The following PTPRG variants were observed in gnomAD, a reference collection of about 807,000 sequenced individuals.
PTPRG encodes protein tyrosine phosphatase receptor type G, also known as receptor-type tyrosine-protein phosphatase gamma.
A neutral mutation model predicts 165.3 loss-of-function variants in PTPRG; 102 were observed. The ratio of observed to expected loss-of-function variants is 0.62; its 90% CI spans 0.53 to 0.73. PTPRG has a LOEUF of 0.73. Ranked by LOEUF, PTPRG falls within the 30% of genes least tolerant of loss-of-function variation. The pLI, the probability that PTPRG is intolerant of heterozygous loss-of-function variation, is 0.00. For synonymous variants in PTPRG, 675 were observed against 669.5 expected (o/e 1.01, Z -0.13); for missense variants, 1,866 against 1,861.4 (o/e 1.00, Z -0.05).
At chr3:61,688,925 A>G (rs1406086057) in intron 1 of PTPRG, among the ~76,000 whole-genome samples, 1 of 152,162 alleles carries the variant, frequency 6.6e-6, no homozygotes, top group East Asian at 1.9e-4. Flanking sequence ...GCATCAGGGA[A>G]AATATCCTAA....
chr3:61,619,770 T>C (rs1305625129), intron 1 of PTPRG, among the ~76,000 whole-genome samples: 1 of 152,208 alleles, frequency 6.6e-6, no homozygotes. Flanking sequence ...TAACTGGTAT[T>C]GTGGACAGAG....
intron 2 of PTPRG, among the ~76,000 whole-genome samples, chr3:61,792,004 A>T (rs1482233276): frequency 1.3e-5 from 2 of 152,106 alleles, no homozygotes; most frequent in Admixed American, 1.3e-4. Flanking sequence ...CTTCCTGTAG[A>T]ATCTTTAGTT....
At chr3:61,860,896 C>T (rs78459033) in intron 2 of PTPRG, among the ~76,000 whole-genome samples, 3 of 151,488 alleles carry the variant, frequency 2.0e-5, no homozygotes, top group African/African-American at 7.3e-5. Flanking sequence ...GTATCCGTCA[C>T]CACAGTCAAG....
rs150169889 is a variant in PTPRG, at chr3:61,879,071, C to G, written c.191-110554C>G. On this transcript the variant is annotated intron_variant, in intron 2 of 29. Transcript: ENST00000474889. ...AGAACCAATATAAATTTACTAGGAA[C>G]AAATCCTGTGACATTAACCCCATTT... Among the ~76,000 whole-genome samples the G allele has an allele frequency of 4.8e-4, 73 of 152,244 alleles. 1 individual carries two copies. In the East Asian group the frequency reaches 6.8e-3, roughly 14 times the overall value.
At chr3:61,824,046 C>G (rs932305391) in intron 2 of PTPRG, among the ~76,000 whole-genome samples, 1 of 152,102 alleles carries the variant, frequency 6.6e-6, no homozygotes, top group Non-Finnish European at 1.5e-5. Flanking sequence ...ATGGCATGAA[C>G]CTGGGACGCG....
chr3:61,570,646 T>G (rs1700034192), intron 1 of PTPRG, among the ~76,000 whole-genome samples: 1 of 152,222 alleles, frequency 6.6e-6, no homozygotes, highest in Admixed American at 6.5e-5. Context: ...ATCTGTTCAT[T>G]AATTGGGAAT....
intron 2 of PTPRG, among the ~76,000 whole-genome samples, chr3:61,975,812 A>G (rs554585808): frequency 6.6e-6 from 1 of 152,296 alleles, no homozygotes; most frequent in African/African-American, 2.4e-5. Flanking sequence ...AAAGATTTTC[A>G]TCAAACATTT....
intron 2 of PTPRG, among the ~76,000 whole-genome samples, chr3:61,940,472 G>A (rs2039592845): frequency 6.6e-6 from 1 of 152,186 alleles, no homozygotes; most frequent in African/African-American, 2.4e-5. Context: ...GAAGTGCCAA[G>A]ATTTTTTTTC....
intron 2 of PTPRG, among the ~76,000 whole-genome samples, chr3:61,924,255 C>T (rs1287156984): frequency 6.6e-6 from 1 of 152,170 alleles, no homozygotes; most frequent in African/African-American, 2.4e-5. Flanking sequence ...AGATCCTGAC[C>T]TGCACTTGCA....
In PTPRG at chr3:62,075,699, A is replaced by G. The variant is rs1394403779; in HGVS notation, c.520-2464A>G. Reference sequence around the variant, plus strand: ...TCTTAGCATTTGAGTTAATTCAGTCATCAGAACTCTGTTTACCTTTGACCT... The same window carrying G: ...TCTTAGCATTTGAGTTAATTCAGTCGTCAGAACTCTGTTTACCTTTGACCT... On this transcript the variant is annotated intron_variant, in intron 4 of 29. Coordinates refer to ENST00000474889, the MANE Select transcript of PTPRG (RefSeq NM_002841.4). Among the ~76,000 whole-genome samples the G allele has an allele frequency of 1.3e-4, 20 of 152,190 alleles. 1 individual carries two copies. The highest frequency in any genetic ancestry group is 1.3e-3 in the Admixed American group (20 of 15,276).
chr3:62,281,717 A>T lies in PTPRG; in HGVS notation c.3912+8A>T, dbSNP rs1237360001. Reference sequence around the variant, plus strand: ...ATCCTTGAAGCTACACAGGTAACCTAAACCTCAGTTCCTCACTAATAGCCA... The same window carrying T: ...ATCCTTGAAGCTACACAGGTAACCTTAACCTCAGTTCCTCACTAATAGCCA... On this transcript the variant is annotated splice_region_variant and intron_variant, in intron 27 of 29. Transcript: ENST00000474889. 1 of 1,607,850 alleles carries T rather than the reference A, an allele frequency of 6.2e-7. No individual in the cohort carries two copies. Among genetic ancestry groups the T allele is most frequent in the African/African-American group, 1.3e-5 (1 of 74,480 alleles).
intron 5 of PTPRG, among the ~76,000 whole-genome samples, chr3:62,109,207 G>A (rs998033820): frequency 2.6e-5 from 4 of 152,102 alleles, no homozygotes; most frequent in Non-Finnish European, 4.4e-5. Flanking sequence ...GATCCATCTT[G>A]AGTTGATTTT....
intron 27 of PTPRG, 84 bp from the exon 28 acceptor site, chr3:62,282,643 C>A: frequency 1.4e-6 from 2 of 1,406,376 alleles, no homozygotes; most frequent in South Asian, 1.5e-5. Context: ...TAACACATGG[C>A]TTTCTCAGGA....
chr3:61,732,536 C>T (rs576045937), intron 1 of PTPRG, among the ~76,000 whole-genome samples: 288 of 140,942 alleles, frequency 2.0e-3, no homozygotes, highest in Admixed American at 4.1e-3. Flanking sequence ...GGTGAAACCC[C>T]GTCTCTACTA....
rs147918780 is a variant in PTPRG at position 61,860,603 on chromosome 3, G to A, written c.190+111621G>A. On this transcript the variant is annotated intron_variant, in intron 2 of 29. Coordinates refer to ENST00000474889, the MANE Select transcript of PTPRG (RefSeq NM_002841.4). Reference sequence around the variant, plus strand: ...TTACAGGCACGCACCAGCACTCACCGGCTAATTTTTTTGTATTTTTAGTAG... The same window carrying A: ...TTACAGGCACGCACCAGCACTCACCAGCTAATTTTTTTGTATTTTTAGTAG... Among the ~76,000 whole-genome samples, 113 of 151,824 alleles carry A rather than the reference G, an allele frequency of 7.4e-4. No homozygotes were observed. In the East Asian group the frequency reaches 0.019, roughly 26 times the overall value.
chr3:61,701,094 C>T (rs971351838), intron 1 of PTPRG, among the ~76,000 whole-genome samples: 4 of 152,130 alleles, frequency 2.6e-5, no homozygotes, highest in Non-Finnish European at 4.4e-5. Flanking sequence ...TCCTTGCTTG[C>T]CCCTTTGTTC....
intron 8 of PTPRG, among the ~76,000 whole-genome samples, chr3:62,182,641 A>G (rs1375041477): frequency 2.0e-5 from 3 of 152,006 alleles, no homozygotes; most frequent in Non-Finnish European, 4.4e-5. Context: ...CCGAATAAAT[A>G]GTTAACAGTA....
At position 62,239,001 on chromosome 3, in the gene PTPRG, G is replaced by A. The variant is rs117316562; in HGVS notation, c.2376-4806G>A. ...TAAAGGGCACAGACAGCACCCAGGC[G>A]TTGGGGAAGGGATGAGAAGTAAAAG... On this transcript the variant is annotated intron_variant, in intron 14 of 29. Transcript: ENST00000474889. Among the ~76,000 whole-genome samples, 237 of 152,298 alleles carry A rather than the reference G, an allele frequency of 1.6e-3. 2 individuals are homozygous for A. In the East Asian group the frequency reaches 0.035, roughly 23 times the overall value.
At chr3:62,159,127 C>A (rs1435268852) in intron 7 of PTPRG, among the ~76,000 whole-genome samples, 3 of 151,610 alleles carry the variant, frequency 2.0e-5, no homozygotes, top group Non-Finnish European at 4.4e-5. Context: ...GAATTTGAGA[C>A]CAGCCTGGGC....
Sources: allele counts gnomAD v4.1 joint callset (sites outside exome capture counted in the v4.1 genomes callset), GRCh38; gene constraint gnomAD v4.1.1; transcripts MANE v1.5; gene names NCBI Gene and HGNC (gene_info 2026-07-23, HGNC 2026-07-21).